The following PDE1A variants were observed in gnomAD, a reference collection of about 807,000 sequenced individuals.
The protein encoded by PDE1A is dual specificity calcium/calmodulin-dependent 3',5'-cyclic nucleotide phosphodiesterase 1A.
In PDE1A, 35 loss-of-function variants were observed where a neutral mutation model predicts 61.7. The observed-to-expected ratio is 0.57, with a 90% confidence interval of 0.43 to 0.75. The LOEUF is 0.75. PDE1A is among the 30% of genes least tolerant of loss of function. The probability of loss-of-function intolerance (pLI) is 0.00; values close to 1 mark genes in which losing one functional copy is unlikely to be tolerated. For synonymous variants in PDE1A, 232 were observed against 213.2 expected (o/e 1.09, Z -0.77); for missense variants, 597 against 630.6 (o/e 0.95, Z 0.57).
intron 7 of PDE1A, among the ~76,000 whole-genome samples, chr2:182,218,724 GA>G (rs1349301740): frequency 2.0e-5 from 3 of 152,070 alleles, no homozygotes; most frequent in Non-Finnish European, 4.4e-5. Context: ...AAGATCATGT[GA>G]TTTTTTTCCT....
intron 1 of PDE1A, among the ~76,000 whole-genome samples, chr2:182,292,006 G>C (rs371735916): frequency 6.6e-6 from 1 of 151,930 alleles, no homozygotes; most frequent in Non-Finnish European, 1.5e-5. Flanking sequence ...AAAAAATGAC[G>C]TATTTCTTGG....
intron 4 of PDE1A, among the ~76,000 whole-genome samples, chr2:182,232,817 C>A: frequency 6.6e-6 from 1 of 152,164 alleles, no homozygotes; most frequent in East Asian, 1.9e-4. Flanking sequence ...ATTTACAGTT[C>A]CAACTTGGGG....
At chr2:182,156,156 A>G (rs145318515) in intron 13 of PDE1A, among the ~76,000 whole-genome samples, 26 of 152,336 alleles carry the variant, frequency 1.7e-4, no homozygotes, top group Middle Eastern at 3.4e-3. Context: ...AGCTCAAATT[A>G]TCTAATCATA....
intron 7 of PDE1A, among the ~76,000 whole-genome samples, chr2:182,219,828 T>C (rs1390017491): frequency 1.3e-5 from 2 of 152,132 alleles, no homozygotes; most frequent in African/African-American, 4.8e-5. Flanking sequence ...CTATGTGAGA[T>C]GATGGATATA....
At chr2:182,222,576 A>AG (rs1450910177) in intron 7 of PDE1A, among the ~76,000 whole-genome samples, 3 of 152,064 alleles carry the variant, frequency 2.0e-5, no homozygotes, top group African/African-American at 7.2e-5. Flanking sequence ...GATACTGGTT[A>AG]ATCAATTGTA....
the PDE1A span, among the ~76,000 whole-genome samples, chr2:182,638,284 A>C: frequency 6.6e-6 from 1 of 152,230 alleles, no homozygotes; most frequent in East Asian, 1.9e-4. Flanking sequence ...CACACCTGTA[A>C]TCCCAGCACT....
chr2:182,323,174 A>G (rs1323256981), intron 1 of PDE1A, among the ~76,000 whole-genome samples: 1 of 152,178 alleles, frequency 6.6e-6, no homozygotes, highest in Non-Finnish European at 1.5e-5. Context: ...AAACCAATTA[A>G]AGCAATGGAA....
chr2:182,505,115 A>G (rs1689324227), intron 2 of PDE1A, among the ~76,000 whole-genome samples: 1 of 152,168 alleles, frequency 6.6e-6, no homozygotes, highest in Admixed American at 6.5e-5. Flanking sequence ...AGCCGTCTCC[A>G]CTCACTAAGA....
At chr2:182,199,552 T>A (rs139831958) in intron 10 of PDE1A, among the ~76,000 whole-genome samples, 29 of 152,192 alleles carry the variant, frequency 1.9e-4, no homozygotes, top group Admixed American at 1.8e-3. Context: ...CTTCTTAACC[T>A]GAAAAATCTT....
At chr2:182,482,122 T>C (rs1385790445) in intron 2 of PDE1A, among the ~76,000 whole-genome samples, 2 of 151,930 alleles carry the variant, frequency 1.3e-5, no homozygotes, top group Non-Finnish European at 2.9e-5. Context: ...TTTAATTCCA[T>C]GGTAAATTTA....
intron 2 of PDE1A, among the ~76,000 whole-genome samples, chr2:182,250,555 A>T (rs1241906257): frequency 6.7e-6 from 1 of 148,924 alleles, no homozygotes; most frequent in African/African-American, 2.5e-5. Context: ...TTATCTCAAT[A>T]GCTTTTTTTT....
chr2:182,577,306 A>G, the PDE1A span, among the ~76,000 whole-genome samples: 2 of 152,212 alleles, frequency 1.3e-5, no homozygotes, highest in African/African-American at 4.8e-5. Flanking sequence ...AAATATTCAT[A>G]TTGTTACCAA....
chr2:182,652,763 A>C, the PDE1A span, among the ~76,000 whole-genome samples: 1 of 152,080 alleles, frequency 6.6e-6, no homozygotes, highest in Admixed American at 6.6e-5. Context: ...CCCAAATCAT[A>C]ATTCATATTC....
chr2:182,636,671 G>A, the PDE1A span, among the ~76,000 whole-genome samples: 1 of 152,166 alleles, frequency 6.6e-6, no homozygotes, highest in Non-Finnish European at 1.5e-5. Flanking sequence ...CTTCTTAGAG[G>A]TGTAAAACAA....
At chr2:182,176,398 C>CA (rs1178644218) in intron 13 of PDE1A, among the ~76,000 whole-genome samples, 1 of 148,714 alleles carries the variant, frequency 6.7e-6, no homozygotes, top group Non-Finnish European at 1.5e-5. Flanking sequence ...AGAGGTCCTT[C>CA]ACATCCCTTG....
chr2:182,624,838 G>A, the PDE1A span, among the ~76,000 whole-genome samples: 1 of 152,128 alleles, frequency 6.6e-6, no homozygotes, highest in Non-Finnish European at 1.5e-5. Flanking sequence ...ATTCAAATTA[G>A]CCAGTCCACA....
At chr2:182,229,326 CTTTTT>C (rs1387334280) in intron 6 of PDE1A, among the ~76,000 whole-genome samples, 2 of 152,150 alleles carry the variant, frequency 1.3e-5, no homozygotes, top group East Asian at 1.9e-4. Context: ...TGGCCTGCTC[CTTTTT>C]TGAACCCAGC....
At chr2:182,415,148 A>C (rs1424782156) in intron 1 of PDE1A, among the ~76,000 whole-genome samples, 1 of 152,168 alleles carries the variant, frequency 6.6e-6, no homozygotes, top group East Asian at 1.9e-4. Context: ...CCTTCAATAA[A>C]GACTTTCTAA....
At chr2:182,223,273 A>G (rs1432525) in intron 7 of PDE1A, among the ~76,000 whole-genome samples, 2,589 of 152,068 alleles carry the variant, frequency 0.017, 79 homozygotes, top group African/African-American at 0.06. Context: ...AGCATCCATA[A>G]TTGTGAAAAA....
Sources: allele counts gnomAD v4.1 joint callset (sites outside exome capture counted in the v4.1 genomes callset), GRCh38; gene constraint gnomAD v4.1.1; transcripts MANE v1.5; gene names NCBI Gene and HGNC (gene_info 2026-07-23, HGNC 2026-07-21).